The following PDZRN4 variants were observed in gnomAD, a reference collection of about 807,000 sequenced individuals.
PDZRN4 encodes PDZ domain-containing RING finger protein 4.
PDZRN4 carries 70 observed loss-of-function variants against 99.0 expected under a neutral mutation model. The ratio of observed to expected loss-of-function variants is 0.71; its 90% CI spans 0.58 to 0.86. The LOEUF is 0.86. Ranked by LOEUF, PDZRN4 falls within the 40% of genes least tolerant of loss-of-function variation. The pLI is 0.00. For missense variants in PDZRN4, 1,474 were observed against 1,331.2 expected, an observed-to-expected ratio of 1.11 and a Z score of -1.67; for synonymous variants, 551 against 501.6, an observed-to-expected ratio of 1.10 and a Z score of -1.32.
At chr12:41,523,922 GT>G (rs1938530125) in intron 5 of PDZRN4, among the ~76,000 whole-genome samples, 6 of 152,264 alleles carry the variant, frequency 3.9e-5, no homozygotes, top group African/African-American at 1.2e-4. Flanking sequence ...ATCTGTGCAT[GT>G]TTAATGTGTA....
chr12:41,385,323 G>C (rs549721317), intron 3 of PDZRN4, among the ~76,000 whole-genome samples: 29 of 152,250 alleles, frequency 1.9e-4, no homozygotes, highest in African/African-American at 6.7e-4. Context: ...CAGGGGAAAG[G>C]CATTCCAGAC....
intron 3 of PDZRN4, among the ~76,000 whole-genome samples, chr12:41,312,736 A>G (rs1951615401): frequency 6.6e-6 from 1 of 152,156 alleles, no homozygotes; most frequent in Non-Finnish European, 1.5e-5. Flanking sequence ...CCGAGATTCA[A>G]TTACTTCCCA....
At chr12:41,211,529 C>G (rs566990517) in intron 3 of PDZRN4, among the ~76,000 whole-genome samples, 1 of 151,848 alleles carries the variant, frequency 6.6e-6, no homozygotes, top group South Asian at 2.1e-4. Flanking sequence ...CATGTATTAT[C>G]ATTAGCATGA....
rs151186498 is a variant in PDZRN4, at chr12:41,529,402, A to T, written c.1203+19489A>T. ...GTTAAATTTGGTTACACCAAATAGTATTAGGAGACCAACTAATTCAAGAGC... is the reference window on the plus strand; with the variant it reads ...GTTAAATTTGGTTACACCAAATAGTTTTAGGAGACCAACTAATTCAAGAGC... On this transcript the variant is annotated intron_variant, in intron 5 of 9. Coordinates refer to ENST00000402685, the MANE Select transcript of PDZRN4 (RefSeq NM_001164595.2). Among the ~76,000 whole-genome samples the T allele has an allele frequency of 7.9e-5, 12 of 152,324 alleles. No homozygotes were observed. In the East Asian group the frequency reaches 2.3e-3, roughly 29 times the overall value.
chr12:41,361,811 C>A (rs1205021517), intron 3 of PDZRN4, among the ~76,000 whole-genome samples: 3 of 151,994 alleles, frequency 2.0e-5, no homozygotes, highest in Non-Finnish European at 4.4e-5. Flanking sequence ...AGGGGCAACA[C>A]GTTTCTTCTG....
At chr12:41,317,704 G>GT (rs777009975) in intron 3 of PDZRN4, among the ~76,000 whole-genome samples, 24 of 152,208 alleles carry the variant, frequency 1.6e-4, no homozygotes, top group Admixed American at 4.6e-4. Context: ...CCCTAGTGCA[G>GT]TAAGAATTTT....
At chr12:41,513,421 A>G (rs563335467) in intron 5 of PDZRN4, among the ~76,000 whole-genome samples, 2 of 152,266 alleles carry the variant, frequency 1.3e-5, no homozygotes, top group South Asian at 4.1e-4. Context: ...ACCAGTCTAC[A>G]TTAAAAGACT....
chr12:41,309,048 T>G (rs1472618431), intron 3 of PDZRN4, among the ~76,000 whole-genome samples: 2 of 152,008 alleles, frequency 1.3e-5, no homozygotes, highest in East Asian at 3.9e-4. Context: ...ATGAGAGACC[T>G]AGATTAAAGA....
At chr12:41,268,596 C>CAGTT (rs754999184) in intron 3 of PDZRN4, among the ~76,000 whole-genome samples, 6 of 152,160 alleles carry the variant, frequency 3.9e-5, no homozygotes, top group South Asian at 2.1e-4. Context: ...CCCTCAAAGA[C>CAGTT]AGTTGTCTGT....
intron 3 of PDZRN4, among the ~76,000 whole-genome samples, chr12:41,351,738 G>A (rs1951891794): frequency 6.6e-6 from 1 of 152,016 alleles, no homozygotes; most frequent in Non-Finnish European, 1.5e-5. Context: ...CACGAGATTT[G>A]GGTGGGGACA....
chr12:41,351,634 A>G (rs1046008431), intron 3 of PDZRN4, among the ~76,000 whole-genome samples: 1 of 151,862 alleles, frequency 6.6e-6, no homozygotes, highest in East Asian at 1.9e-4. Flanking sequence ...TCTCATGAGA[A>G]CTCTGTCACA....
intron 3 of PDZRN4, among the ~76,000 whole-genome samples, chr12:41,247,256 A>T (rs1410577104): frequency 1.3e-5 from 2 of 152,208 alleles, no homozygotes; most frequent in African/African-American, 4.8e-5. Context: ...GATGCTTATT[A>T]TATTGCCTAC....
chr12:41,571,009 C>G (rs1939461481), intron 9 of PDZRN4, among the ~76,000 whole-genome samples: 1 of 151,968 alleles, frequency 6.6e-6, no homozygotes, highest in African/African-American at 2.4e-5. Flanking sequence ...CTAGAGAGAC[C>G]TTTTTAGACT....
chr12:41,337,578 G>C (rs10880039), intron 3 of PDZRN4, among the ~76,000 whole-genome samples: 32 of 152,030 alleles, frequency 2.1e-4, no homozygotes, highest in Admixed American at 1.4e-3. Context: ...AATGGAGCTT[G>C]GTTCTTCAGA....
At chr12:41,346,881 A>G (rs998459435) in intron 3 of PDZRN4, among the ~76,000 whole-genome samples, 1 of 152,210 alleles carries the variant, frequency 6.6e-6, no homozygotes, top group Non-Finnish European at 1.5e-5. Context: ...TGGGCATTTC[A>G]TATGAATAGA....
chr12:41,563,805 T>G (rs1939315276), intron 8 of PDZRN4, among the ~76,000 whole-genome samples, 156 bp downstream of exon 8: 1 of 152,204 alleles, frequency 6.6e-6, no homozygotes, highest in Non-Finnish European at 1.5e-5. Flanking sequence ...ATGGCCTATG[T>G]GGGAGTGAAT....
intron 3 of PDZRN4, among the ~76,000 whole-genome samples, chr12:41,321,842 T>C (rs1410527030): frequency 2.6e-5 from 4 of 152,204 alleles, no homozygotes; most frequent in Non-Finnish European, 4.4e-5. Flanking sequence ...TTATTATAAC[T>C]TTCTAATTTG....
intron 3 of PDZRN4, among the ~76,000 whole-genome samples, chr12:41,457,131 A>G (rs1952823109): frequency 6.6e-6 from 1 of 152,130 alleles, no homozygotes; most frequent in African/African-American, 2.4e-5. Context: ...AAAATACTGT[A>G]TTTCTCAATC....
At chr12:41,502,173 C>T (rs560204087) in intron 3 of PDZRN4, among the ~76,000 whole-genome samples, 12 of 152,060 alleles carry the variant, frequency 7.9e-5, no homozygotes, top group African/African-American at 1.2e-4. Flanking sequence ...AGAATCCAAT[C>T]GTCCCACCCT....
Sources: gnomAD v4.1 joint callset for allele counts (sites outside exome capture counted in the v4.1 genomes callset) on GRCh38, gnomAD v4.1.1 for gene constraint, MANE v1.5 for transcripts, NCBI Gene and HGNC (gene_info 2026-07-23, HGNC 2026-07-21) for gene names.